Variants in FBXL17 observed in about 807,000 individuals in gnomAD.
FBXL17 encodes F-box/LRR-repeat protein 17.
A neutral mutation model predicts 66.2 loss-of-function variants in FBXL17; 22 were observed. That is an observed-to-expected ratio of 0.33 (90% CI 0.24 to 0.47). The LOEUF (loss-of-function observed/expected upper bound fraction) is 0.47. FBXL17 is among the 20% of genes least tolerant of loss of function. The pLI, the probability that FBXL17 is intolerant of heterozygous loss-of-function variation, is 1.00. For synonymous variants in FBXL17, 474 were observed against 400.5 expected (o/e 1.18, Z -2.19); for missense variants, 878 against 948.2 (o/e 0.93, Z 0.97).
chr5:108,361,418 A>G (rs1168015803), intron 3 of FBXL17, among the ~76,000 whole-genome samples: 1 of 152,076 alleles, frequency 6.6e-6, no homozygotes, highest in African/African-American at 2.4e-5. Context: ...TAGCCATACC[A>G]TTCACAACTC....
intron 3 of FBXL17, among the ~76,000 whole-genome samples, chr5:108,360,279 AC>A (rs1411706843): frequency 6.6e-6 from 1 of 152,108 alleles, no homozygotes; most frequent in Non-Finnish European, 1.5e-5. Flanking sequence ...TCTATTAGTA[AC>A]AAACTCCTTT....
chr5:108,379,894 C>T (rs1749719336), intron 1 of FBXL17, among the ~76,000 whole-genome samples: 1 of 152,182 alleles, frequency 6.6e-6, no homozygotes, highest in Admixed American at 6.5e-5. Context: ...CTGTGCTTAC[C>T]TCTGGTAATC....
At chr5:108,245,147 C>A (rs1324039365) in intron 4 of FBXL17, among the ~76,000 whole-genome samples, 3 of 151,986 alleles carry the variant, frequency 2.0e-5, no homozygotes, top group Non-Finnish European at 2.9e-5. Context: ...TATTCCATAA[C>A]AACAAAGAAC....
intron 5 of FBXL17, 63 bp from the exon 6 acceptor site, chr5:108,186,310 C>G: frequency 7.1e-7 from 1 of 1,410,724 alleles, no homozygotes; most frequent in Non-Finnish European, 9.9e-7. Context: ...TCAAAACTTA[C>G]AAATGTAGTT....
chr5:108,063,637 A>C (rs1748006913), intron 6 of FBXL17, among the ~76,000 whole-genome samples: 1 of 152,236 alleles, frequency 6.6e-6, no homozygotes, highest in Non-Finnish European at 1.5e-5. Flanking sequence ...AAAGGAAGAC[A>C]GTCCTTCATA....
intron 4 of FBXL17, among the ~76,000 whole-genome samples, chr5:108,225,626 T>G (rs1272027469): frequency 6.6e-6 from 1 of 152,210 alleles, no homozygotes; most frequent in Non-Finnish European, 1.5e-5. Context: ...AACATGGCCC[T>G]GCCAACACTT....
intron 4 of FBXL17, chr5:108,299,738 C>G: frequency 1.0e-6 from 1 of 984,934 alleles, no homozygotes; most frequent in Non-Finnish European, 1.2e-6. Flanking sequence ...GTTATCCACT[C>G]TGCAGGAGCT....
At position 108,260,815 on chromosome 5, in the gene FBXL17, GA is replaced by G. The variant is rs1756785163; in HGVS notation, c.1507-36588del. Reference sequence around the variant, plus strand: ...ATTCCGCTCTGTGCCCAACTCCCAGGACTTTTGCACAAGTTTGCTATAGTCA... The same window carrying G: ...ATTCCGCTCTGTGCCCAACTCCCAGGCTTTTGCACAAGTTTGCTATAGTCA... On this transcript the variant is annotated intron_variant, in intron 4 of 8. Coordinates refer to ENST00000542267, the MANE Select transcript of FBXL17 (RefSeq NM_001163315.3). Among the ~76,000 whole-genome samples, 4 of 152,008 alleles carry G rather than the reference GA, an allele frequency of 2.6e-5. No individual in the cohort carries two copies. The South Asian group carries it at 6.2e-4, about 24-fold the overall frequency.
chr5:107,928,580 G>A (rs1220906442), intron 7 of FBXL17, among the ~76,000 whole-genome samples: 1 of 152,028 alleles, frequency 6.6e-6, no homozygotes, highest in African/African-American at 2.4e-5. Flanking sequence ...TATATGCTCA[G>A]ATTTGAGAAA....
intron 1 of FBXL17, among the ~76,000 whole-genome samples, chr5:108,371,393 T>C (rs1749029914): frequency 6.6e-6 from 1 of 152,236 alleles, no homozygotes; most frequent in African/African-American, 2.4e-5. Flanking sequence ...AACTCCATCT[T>C]TCTAGCCAGA....
At chr5:107,905,118 T>C (rs929867919) in intron 7 of FBXL17, among the ~76,000 whole-genome samples, 1 of 152,042 alleles carries the variant, frequency 6.6e-6, no homozygotes, top group Non-Finnish European at 1.5e-5. Flanking sequence ...AGAATAATAA[T>C]GCTTCAAATA....
chr5:108,379,174 A>T (rs1028059673), intron 1 of FBXL17, among the ~76,000 whole-genome samples: 1 of 152,108 alleles, frequency 6.6e-6, no homozygotes, highest in Non-Finnish European at 1.5e-5. Flanking sequence ...TCTCGGCATT[A>T]AAATGTTTTT....
chr5:107,954,604 C>A (rs1296021033), intron 7 of FBXL17, among the ~76,000 whole-genome samples: 1 of 152,160 alleles, frequency 6.6e-6, no homozygotes, highest in Non-Finnish European at 1.5e-5. Context: ...GTAGAGAATT[C>A]TTTTTAAAAA....
intron 4 of FBXL17, among the ~76,000 whole-genome samples, chr5:108,250,974 A>G (rs1756323727): frequency 6.6e-6 from 1 of 151,920 alleles, no homozygotes; most frequent in African/African-American, 2.4e-5. Flanking sequence ...TATATAATCA[A>G]TTCCATATTG....
intron 7 of FBXL17, among the ~76,000 whole-genome samples, chr5:107,983,383 A>G (rs1213926081): frequency 6.6e-6 from 1 of 151,714 alleles, no homozygotes; most frequent in Admixed American, 6.6e-5. Flanking sequence ...TAGTAGAGAC[A>G]AGGTCTTGCT....
chr5:108,379,106 T>C (rs1458976869), intron 1 of FBXL17, among the ~76,000 whole-genome samples: 1 of 152,224 alleles, frequency 6.6e-6, no homozygotes, highest in African/African-American at 2.4e-5. Flanking sequence ...CGGTATAGGA[T>C]AAGTTTATTT....
intron 7 of FBXL17, among the ~76,000 whole-genome samples, chr5:107,932,068 T>A (rs960708737): frequency 5.3e-5 from 8 of 152,118 alleles, no homozygotes; most frequent in Non-Finnish European, 1.0e-4. Context: ...TGCAGACGAT[T>A]TGGATGTTGG....
intron 6 of FBXL17, among the ~76,000 whole-genome samples, chr5:108,103,000 A>G (rs535175159): frequency 6.6e-6 from 1 of 152,364 alleles, no homozygotes; most frequent in South Asian, 2.1e-4. Flanking sequence ...TATAAACACC[A>G]CAGTGAAGCT....
At chr5:108,336,104 C>T (rs1168302142) in intron 4 of FBXL17, among the ~76,000 whole-genome samples, 2 of 151,856 alleles carry the variant, frequency 1.3e-5, no homozygotes, top group Non-Finnish European at 2.9e-5. Context: ...TTTGATTCTA[C>T]AAAATTGTTA....
Sources: gnomAD v4.1 joint callset for allele counts (sites outside exome capture counted in the v4.1 genomes callset) on GRCh38, gnomAD v4.1.1 for gene constraint, MANE v1.5 for transcripts, NCBI Gene and HGNC (gene_info 2026-07-23, HGNC 2026-07-21) for gene names.